The following FREM1 variants were observed in gnomAD, a reference collection of about 807,000 sequenced individuals.
FREM1 encodes FRAS1 related extracellular matrix 1, also known as FRAS1-related extracellular matrix protein 1.
A neutral mutation model predicts 210.1 loss-of-function variants in FREM1; 220 were observed. The observed-to-expected ratio is 1.05, with a 90% CI of 0.94 to 1.17. The LOEUF (loss-of-function observed/expected upper bound fraction) is 1.17. Among genes scored for constraint, FREM1 ranks in the 50% most tolerant of loss-of-function variants. The pLI, the probability that FREM1 is intolerant of heterozygous loss-of-function variation, is 0.00. For synonymous variants in FREM1, 1,189 were observed against 980.2 expected, an observed-to-expected ratio of 1.21 and a Z score of -3.98; for missense variants, 3,454 against 2,675.5, an observed-to-expected ratio of 1.29 and a Z score of -6.42.
intron 35 of FREM1, among the ~76,000 whole-genome samples, chr9:14,744,640 T>C (rs1435385505): frequency 1.3e-5 from 2 of 152,170 alleles, no homozygotes; most frequent in Non-Finnish European, 2.9e-5. Flanking sequence ...ATCAAGTATT[T>C]CTAAACATCA....
At chr9:14,739,352 C>T (rs1000604004) in intron 36 of FREM1, among the ~76,000 whole-genome samples, 5 of 151,240 alleles carry the variant, frequency 3.3e-5, no homozygotes, top group Admixed American at 2.0e-4. Context: ...AATCCTCCAG[C>T]CTTGGTCTCT....
At position 14,864,701 on chromosome 9, in the gene FREM1, T is replaced by A. The variant is rs114338050; in HGVS notation, c.235-798A>T. 5.7e-3 allele frequency among the ~76,000 whole-genome samples: 863 copies of A among 152,362 alleles called. 8 individuals carry two copies. The highest frequency in any genetic ancestry group is 0.019 in the African/African-American group (808 of 41,592). ...CCCTTCATTCTGCCCAATCTGACTC[T>A]GGTAGAGTTCTAATACCCTTGAGGT... On this transcript the variant is annotated intron_variant, in intron 2 of 36. Transcript: ENST00000380880.
chr9:14,879,312 GT>G (rs1478606478), intron 1 of FREM1, among the ~76,000 whole-genome samples: 1 of 41,684 alleles, frequency 2.4e-5, no homozygotes, highest in Non-Finnish European at 3.6e-5. Flanking sequence ...TAACACTGAG[GT>G]TGAGGAGGTT....
chr9:14,802,363 T>C (rs1207672383), intron 19 of FREM1, among the ~76,000 whole-genome samples: 1 of 152,260 alleles, frequency 6.6e-6, no homozygotes, highest in African/African-American at 2.4e-5. Context: ...TGGTGGTTTT[T>C]ATTTTTGTTA....
chr9:14,801,538 C>A (rs1010340073), intron 20 of FREM1, 114 bp downstream of exon 20: 25 of 733,946 alleles, frequency 3.4e-5, no homozygotes, highest in African/African-American at 1.9e-4. Flanking sequence ...CCTCTAGTAA[C>A]CATCATTCTA....
At chr9:14,761,886 G>C (rs1478460874) in intron 27 of FREM1, among the ~76,000 whole-genome samples, 2 of 152,222 alleles carry the variant, frequency 1.3e-5, no homozygotes, top group East Asian at 3.8e-4. Context: ...AAGTGCAAGA[G>C]TAGTGATGCT....
chr9:14,801,645 G>A lies in FREM1; in HGVS notation c.3694+7C>T. 1.3e-6 allele frequency: 2 copies of A among 1,571,848 alleles called. No homozygotes were observed. The highest frequency in any genetic ancestry group is 1.8e-6 in the Non-Finnish European group (2 of 1,141,442). ...TAACAAATGCATGGAAGTGGAACAT[G>A]CTATACCAGTCTTGAGGAGTTCCAT... is the stretch of plus-strand genomic sequence containing the variant. On this transcript the variant is annotated splice_region_variant and intron_variant, in intron 20 of 36. Coordinates refer to ENST00000380880, the MANE Select transcript of FREM1 (RefSeq NM_001379081.2).
Position 14,784,378 on chromosome 9 carries a change from G to T in FREM1, c.4434C>A (p.Asp1478Glu), listed in dbSNP as rs1850084848. 2 of 1,613,140 alleles carry T rather than the reference G, an allele frequency of 1.2e-6. No individual in the cohort carries two copies. The highest frequency in any genetic ancestry group is 1.6e-4 in the Middle Eastern group (1 of 6,068). ...GTTTCCATGGGGCTCACCTGAATCT[G>T]TCACTGGAGACAGTCACCTTGCTCT... ...VHKSKVTVSS[D>E]RFRFIISNGL... The change falls in exon 24 of 37, where the codon GAC becomes GAA. Residue 1478 changes from aspartate to glutamate, a missense_variant. By Grantham distance (45) the Asp-to-Glu change is conservative. Coordinates refer to ENST00000380880, the MANE Select transcript of FREM1 (RefSeq NM_001379081.2).
chr9:14,874,672 A>C (rs1030192744), intron 1 of FREM1, among the ~76,000 whole-genome samples: 3 of 151,914 alleles, frequency 2.0e-5, no homozygotes, highest in Non-Finnish European at 4.4e-5. Flanking sequence ...TTGACATTTA[A>C]ACTTAATATT....
At chr9:14,819,002 A>T (rs1419759211) in intron 14 of FREM1, among the ~76,000 whole-genome samples, 1 of 152,208 alleles carries the variant, frequency 6.6e-6, no homozygotes, top group Non-Finnish European at 1.5e-5. Flanking sequence ...TTTATTGTTC[A>T]AATATCCATA....
chr9:14,843,492 T>C (rs970211769), intron 8 of FREM1, among the ~76,000 whole-genome samples: 27 of 84,532 alleles, frequency 3.2e-4, no homozygotes, highest in South Asian at 1.2e-3. Context: ...ACCTCATAGA[T>C]AGATAGGTAG....
intron 7 of FREM1, among the ~76,000 whole-genome samples, chr9:14,847,929 G>A (rs920128752): frequency 1.3e-5 from 2 of 152,122 alleles, no homozygotes; most frequent in Non-Finnish European, 2.9e-5. Flanking sequence ...ATAAATCAAG[G>A]CTGCTCACCT....
intron 10 of FREM1, among the ~76,000 whole-genome samples, chr9:14,826,795 C>T (rs747913238): frequency 7.9e-5 from 12 of 152,276 alleles, no homozygotes; most frequent in Non-Finnish European, 1.0e-4. Context: ...CTATCCCTTT[C>T]GCTGTGTGAG....
chr9:14,775,959 G>C lies in FREM1; in HGVS notation c.4687C>G (p.Leu1563Val), dbSNP rs754010503. The C allele has an allele frequency of 2.5e-6, 4 of 1,614,022 alleles. No homozygotes were observed. The South Asian group carries it at 3.3e-5, about 13-fold the overall frequency. The change falls in exon 25 of 37, where the codon CTT (leucine) becomes GTT (valine). Residue 1563 changes from leucine (L) to valine (V), a missense_variant. Coordinates refer to ENST00000380880, the MANE Select transcript of FREM1 (RefSeq NM_001379081.2). ...TCCTGCTGGGTGAAATTGTGTTGAA[G>C]TAGCCCTGTCCCCCACAGGTAGAGC... Reference protein sequence around the residue: ...GQLYLWGTGLLQHNFTQQDVD... With the variant: ...GQLYLWGTGLVQHNFTQQDVD...
chr9:14,851,905 G>C (rs1209684031), intron 5 of FREM1, among the ~76,000 whole-genome samples: 4 of 152,186 alleles, frequency 2.6e-5, no homozygotes, highest in Non-Finnish European at 4.4e-5. Context: ...TTTGGCATCA[G>C]AAGGAACTGT....
intron 27 of FREM1, among the ~76,000 whole-genome samples, chr9:14,761,032 C>G (rs977655740): frequency 3.9e-5 from 6 of 152,198 alleles, no homozygotes; most frequent in Non-Finnish European, 5.9e-5. Flanking sequence ...CAGATTTAGA[C>G]TCTTTCCTCT....
At chr9:14,773,444 AG>A (rs1462912835) in intron 25 of FREM1, among the ~76,000 whole-genome samples, 3 of 152,078 alleles carry the variant, frequency 2.0e-5, no homozygotes, top group Non-Finnish European at 4.4e-5. Flanking sequence ...TGGCAGAAAA[AG>A]CTCTTGAAGG....
rs879455765 is a variant in FREM1, at chr9:14,860,866, T to TATATACGTATATATAC, written c.330-1383_330-1382insGTATATATACGTATAT. Among the ~76,000 whole-genome samples the TATATACGTATATATAC allele has an allele frequency of 6.7e-4, 31 of 46,154 alleles. 5 individuals are homozygous for TATATACGTATATATAC. Among genetic ancestry groups the TATATACGTATATATAC allele is most frequent in the African/African-American group, 4.8e-3 (23 of 4,816 alleles). The allele number at this position is 46,154 out of a possible 152,430, so 30.3% of individuals were successfully genotyped here. ...ATACATATATACGTATATATACACA[T>TATATACGTATATATAC]ATATATACGTATATATACACATATA... On this transcript the variant is annotated intron_variant, in intron 3 of 36. Transcript: ENST00000380880.
At chr9:14,884,806 A>G (rs12237883) in intron 1 of FREM1, among the ~76,000 whole-genome samples, 24,868 of 151,278 alleles carry the variant, frequency 0.16, 2,386 homozygotes, top group East Asian at 0.51. Context: ...AATAATATTT[A>G]CTATTCTTCC....
Sources: allele counts gnomAD v4.1 joint callset (sites outside exome capture counted in the v4.1 genomes callset), GRCh38; gene constraint gnomAD v4.1.1; transcripts MANE v1.5; gene names NCBI Gene and HGNC (gene_info 2026-07-23, HGNC 2026-07-21).